Variants in MAJIN observed in about 807,000 individuals in gnomAD.
MAJIN encodes the protein membrane-anchored junction protein.
A neutral mutation model predicts 30.2 loss-of-function variants in MAJIN; 27 were observed. That is an observed-to-expected ratio of 0.89 (90% CI 0.66 to 1.23). MAJIN has a LOEUF of 1.23. Ranked by LOEUF, MAJIN falls within the 50% of genes most tolerant of loss-of-function variation. MAJIN has a pLI of 0.00. For missense variants in MAJIN, 253 were observed against 260.3 expected (o/e 0.97, Z 0.19); for synonymous variants, 78 against 91.6 (o/e 0.85, Z 0.85).
chr11:64,959,530 C>T (rs1945691060), intron 2 of MAJIN, 108 bp from the exon 3 acceptor site: 6 of 758,618 alleles, frequency 7.9e-6, no homozygotes, highest in Middle Eastern at 3.5e-4. Context: ...AAATGTCCAA[C>T]ACTAAGCACT....
At chr11:64,948,592 C>T (rs867611534) in intron 6 of MAJIN, among the ~76,000 whole-genome samples, 15 of 86,264 alleles carry the variant, frequency 1.7e-4, no homozygotes, top group African/African-American at 5.9e-4. Context: ...ACCACCATGT[C>T]GGGCTACATC....
chr11:64,962,883 T>G (rs1452880946), intron 1 of MAJIN, among the ~76,000 whole-genome samples: 2 of 152,044 alleles, frequency 1.3e-5, no homozygotes, highest in African/African-American at 4.8e-5. Flanking sequence ...TCTCAGCACT[T>G]TAGGAGGCTC....
chr11:64,958,187 C>CA (rs1477708662), intron 3 of MAJIN, among the ~76,000 whole-genome samples: 2 of 150,706 alleles, frequency 1.3e-5, no homozygotes, highest in Non-Finnish European at 3.0e-5. Flanking sequence ...ATGATTCACC[C>CA]CCCCGCCCCA....
At chr11:64,941,930 C>T (rs1038796027) in intron 8 of MAJIN, among the ~76,000 whole-genome samples, 9 of 152,160 alleles carry the variant, frequency 5.9e-5, no homozygotes, top group Admixed American at 4.6e-4. Flanking sequence ...TGGCTAGAGC[C>T]AGGCATGGTA....
intron 1 of MAJIN, among the ~76,000 whole-genome samples, chr11:64,961,796 T>C (rs188629978): frequency 0.017 from 2,492 of 150,068 alleles, 82 homozygotes; most frequent in African/African-American, 0.058. Context: ...CTTTTCTTTT[T>C]TTTTTTTTAA....
intron 8 of MAJIN, among the ~76,000 whole-genome samples, chr11:64,940,923 C>T (rs537030566): frequency 2.1e-5 from 3 of 142,678 alleles, no homozygotes; most frequent in East Asian, 4.4e-4. Flanking sequence ...ACTGCAAGCT[C>T]TGCCTCTCCG....
rs746154851 is a variant in MAJIN at position 64,949,861 on chromosome 11, G to C, written c.231C>G (p.Ser77Arg). 6 of 1,603,644 alleles carry C rather than the reference G, an allele frequency of 3.7e-6. No homozygotes were observed. In the South Asian group the frequency reaches 5.5e-5, roughly 15 times the overall value. The part of the protein sequence containing the change: ...TEHFIVFPYK[S>R]KWERVSHLKF... ...TCAGGTGGGAAACTCTCTCCCATTT[G>C]CTTTTATCTGGAAAATGGTGCTAAG... Residue 77 changes from serine to arginine, a missense_variant, in exon 6 of 11, where the codon AGC (serine) becomes AGG (arginine). By Grantham distance (110) the Ser-to-Arg change is moderately radical. Transcript: ENST00000301896.
In MAJIN at chr11:64,940,663, C is replaced by G. The variant is rs1945360466; in HGVS notation, c.474-17G>C. ...TTCCCTATTCTGTTAAAAAGAAGAC[C>G]AAGAAAAGCCTTAAACTTTCCTCCT... is the stretch of plus-strand genomic sequence containing the variant. On this transcript the variant is annotated splice_polypyrimidine_tract_variant and intron_variant, in intron 8 of 10. Coordinates refer to ENST00000301896, the MANE Select transcript of MAJIN (RefSeq NM_001037225.3). The G allele has an allele frequency of 3.1e-6, 5 of 1,610,596 alleles. No homozygotes were observed. The East Asian group carries it at 1.1e-4, about 36-fold the overall frequency.
rs1945317555 is a variant in MAJIN, at chr11:64,938,311, C to T, written c.*264G>A. The T allele has an allele frequency of 1.8e-6, 1 of 545,944 alleles. No individual in the cohort carries two copies. Among genetic ancestry groups the T allele is most frequent in the Non-Finnish European group, 3.2e-6 (1 of 309,626 alleles). The allele number at this position is 545,944 out of a possible 1,614,324, so 33.8% of individuals were successfully genotyped here. A position where few individuals can be genotyped will look rare whatever the true frequency, so the allele number is the denominator to read the frequency against. On this transcript the variant is annotated 3_prime_UTR_variant, in exon 11 of 11. Transcript: ENST00000301896. ...CCTAAACCGGCCCTCAGGACATGAA[C>T]ATTTTAGAAAGTTCCATTCTTAATG...
chr11:64,955,366 A>G (rs1042967860), intron 3 of MAJIN, among the ~76,000 whole-genome samples: 2 of 152,214 alleles, frequency 1.3e-5, no homozygotes, highest in African/African-American at 4.8e-5. Flanking sequence ...CTTTAACTAC[A>G]TGTCTCTTTA....
At chr11:64,940,190 C>T (rs915903858) in intron 9 of MAJIN, among the ~76,000 whole-genome samples, 3 of 152,220 alleles carry the variant, frequency 2.0e-5, no homozygotes, top group Non-Finnish European at 4.4e-5. Context: ...CCATTTGCAA[C>T]TTCAATATTA....
At chr11:64,955,338 A>AT (rs35471074) in intron 3 of MAJIN, among the ~76,000 whole-genome samples, 70,100 of 151,654 alleles carry the variant, frequency 0.46, 18,611 homozygotes, top group Non-Finnish European at 0.62. Flanking sequence ...AAAAGCAATC[A>AT]TTTTATAAAA....
rs1314669096 is a variant in MAJIN at position 64,954,789 on chromosome 11, C to T, written c.115G>A (p.Glu39Lys). 3 of 1,612,406 alleles carry T rather than the reference C, an allele frequency of 1.9e-6. No individual in the cohort carries two copies. The African/African-American group carries it at 4.0e-5, about 22-fold the overall frequency. Residue 39 changes from glutamate (E) to lysine (K), a missense_variant, in exon 4 of 11, where the codon GAA becomes AAA. Physicochemically the swap from Glu to Lys is moderately conservative, Grantham distance 56. Transcript: ENST00000301896. ...TCCTGGGTGATGACTTCCTTATTTTCTATCTCTTCTCCTCTAGAAGGTAAA... is the reference window on the plus strand; with the variant it reads ...TCCTGGGTGATGACTTCCTTATTTTTTATCTCTTCTCCTCTAGAAGGTAAA... ...YGKSIRGEEI[E>K]NKEVITQELE...
intron 8 of MAJIN, among the ~76,000 whole-genome samples, chr11:64,942,075 C>T (rs1450216470): frequency 6.6e-6 from 1 of 152,168 alleles, no homozygotes; most frequent in East Asian, 1.9e-4. Flanking sequence ...CAACATTTTC[C>T]AGTAAACACC....
intron 3 of MAJIN, among the ~76,000 whole-genome samples, chr11:64,958,192 G>A (rs959877472): frequency 2.2e-5 from 3 of 136,818 alleles, no homozygotes; most frequent in Non-Finnish European, 4.9e-5. Context: ...TCACCCCCCC[G>A]CCCCACCTCG....
chr11:64,939,436 C>T (rs1945339514), intron 10 of MAJIN, among the ~76,000 whole-genome samples: 1 of 152,206 alleles, frequency 6.6e-6, no homozygotes. Context: ...TTATCCTGGA[C>T]ACATCAGGGT....
chr11:64,940,747 G>C, intron 8 of MAJIN, 101 bp from the exon 9 acceptor site: 1 of 1,048,962 alleles, frequency 9.5e-7, no homozygotes, highest in Non-Finnish European at 1.5e-6. Context: ...TCAGCACTGG[G>C]GCCTGGCTTC....
chr11:64,954,415 G>A (rs2136774241), intron 4 of MAJIN: 1 of 419,090 alleles, frequency 2.4e-6, no homozygotes, highest in East Asian at 5.3e-5. Context: ...GGCAGTGGTT[G>A]GGATGGTGAG....
At chr11:64,951,650 A>C (rs1241590838) in intron 4 of MAJIN, among the ~76,000 whole-genome samples, 6 of 151,914 alleles carry the variant, frequency 3.9e-5, no homozygotes, top group Non-Finnish European at 7.4e-5. Flanking sequence ...CAGTAGTCCC[A>C]GCTACTTGTG....
Sources: gnomAD v4.1 joint callset for allele counts (sites outside exome capture counted in the v4.1 genomes callset) on GRCh38, gnomAD v4.1.1 for gene constraint, MANE v1.5 for transcripts, NCBI Gene and HGNC (gene_info 2026-07-23, HGNC 2026-07-21) for gene names.